GHR: variants seen among roughly 807,000 people sequenced by gnomAD.
The protein encoded by GHR is growth hormone receptor.
In GHR, 35 loss-of-function variants were observed where a neutral mutation model predicts 67.1. The observed-to-expected ratio is 0.52, with a 90% CI of 0.40 to 0.69. The LOEUF (loss-of-function observed/expected upper bound fraction) is 0.69, where lower values mean the gene tolerates loss of function less well. Among genes scored for constraint, GHR ranks in the 30% least tolerant of loss-of-function variants. The pLI is 0.00. For missense variants in GHR, 792 were observed against 764.6 expected, an observed-to-expected ratio of 1.04 and a Z score of -0.42; for synonymous variants, 272 against 269.1, an observed-to-expected ratio of 1.01 and a Z score of -0.10.
At chr5:42,600,943 T>TG (rs1752347543) in intron 2 of GHR, among the ~76,000 whole-genome samples, 1 of 143,150 alleles carries the variant, frequency 7.0e-6, no homozygotes, top group Non-Finnish European at 1.5e-5. Flanking sequence ...TTTTTTTTTT[T>TG]GTGACGGAGT....
chr5:42,537,197 C>T (rs529409423), intron 1 of GHR, among the ~76,000 whole-genome samples: 35 of 151,974 alleles, frequency 2.3e-4, no homozygotes, highest in African/African-American at 3.4e-4. Flanking sequence ...CTCTTCTCCT[C>T]GGTTTGGGTT....
At chr5:42,684,372 G>A (rs1757034598) in intron 3 of GHR, among the ~76,000 whole-genome samples, 1 of 152,090 alleles carries the variant, frequency 6.6e-6, no homozygotes, top group Non-Finnish European at 1.5e-5. Context: ...CTGTGCAAAC[G>A]AACAGTTAGA....
chr5:42,565,760 G>C, intron 1 of GHR, 104 bp from the exon 2 acceptor site: 3 of 1,601,200 alleles, frequency 1.9e-6, no homozygotes, highest in Non-Finnish European at 2.6e-6. Context: ...TTCTGGAACT[G>C]ACTCGTCAGC....
intron 2 of GHR, among the ~76,000 whole-genome samples, chr5:42,623,177 T>TTA (rs372690759): frequency 3.9e-5 from 6 of 151,972 alleles, no homozygotes; most frequent in East Asian, 1.9e-4. Context: ...GATTTAAATC[T>TTA]TATATATATA....
chr5:42,437,529 ATATTTATTTATTTATTTATT>A (rs375521431), intron 1 of GHR, among the ~76,000 whole-genome samples: 1 of 147,946 alleles, frequency 6.8e-6, no homozygotes. Flanking sequence ...TATTATTTTT[ATATTTATTTATTTATTTATT>A]TATTTATTTA....
chr5:42,440,066 C>A (rs1418471118), intron 1 of GHR, among the ~76,000 whole-genome samples: 1 of 152,114 alleles, frequency 6.6e-6, no homozygotes, highest in Non-Finnish European at 1.5e-5. Flanking sequence ...CATCCTCATT[C>A]ATTAATTCAT....
At chr5:42,667,608 T>C (rs1223258075) in intron 3 of GHR, among the ~76,000 whole-genome samples, 2 of 152,194 alleles carry the variant, frequency 1.3e-5, no homozygotes, top group African/African-American at 2.4e-5. Context: ...GATTACAATG[T>C]GCAGCCAGAG....
rs1212819691 is a variant in GHR at position 42,670,931 on chromosome 5, A to G, written c.137-17959A>G. Among the ~76,000 whole-genome samples, 9 of 151,118 alleles carry G rather than the reference A, an allele frequency of 6.0e-5. No homozygotes were observed. The East Asian group carries it at 1.7e-3, about 29-fold the overall frequency. On this transcript the variant is annotated intron_variant, in intron 3 of 9. Transcript: ENST00000230882. ...ACTTAAATAGACATTTCTCAAAAGA[A>G]GCAAGTATCACCCTGATTTAAAACC...
chr5:42,527,978 C>G (rs1457866735), intron 1 of GHR, among the ~76,000 whole-genome samples: 1 of 152,080 alleles, frequency 6.6e-6, no homozygotes, highest in Non-Finnish European at 1.5e-5. Context: ...TTTAAGGCCA[C>G]AGTTGAGACC....
intron 3 of GHR, chr5:42,659,075 C>A (rs1194128379): frequency 6.6e-6 from 1 of 152,128 alleles, no homozygotes; most frequent in African/African-American, 2.4e-5. Context: ...GATCTATTAA[C>A]CCACTAGAGT....
In GHR at chr5:42,424,985, A is replaced by C. The variant is rs1742786801; in HGVS notation, c.-12+1030A>C. 1 of 984,972 alleles carries C rather than the reference A, an allele frequency of 1.0e-6. No homozygotes were observed. The highest frequency in any genetic ancestry group is 6.1e-5 in the Admixed American group (1 of 16,272). The allele number at this position is 984,972 out of a possible 1,614,324, so 61.0% of individuals were successfully genotyped here. A position where few individuals can be genotyped will look rare whatever the true frequency, so the allele number is the denominator to read the frequency against. On this transcript the variant is annotated intron_variant, in intron 1 of 9. Transcript: ENST00000230882. This position sits in a 1 kb window ranked among gnomAD's most constrained non-coding sequence, Gnocchi z 4.1. ...GTGTGCAGGGTGGAAGAGGCCACAG[A>C]GGTGCCGCCTGTCTGTTTGTGCCGC...
At chr5:42,551,201 A>G (rs751380969) in intron 1 of GHR, among the ~76,000 whole-genome samples, 1 of 152,214 alleles carries the variant, frequency 6.6e-6, no homozygotes, top group African/African-American at 2.4e-5. Context: ...AGAAGTTTAC[A>G]AACAGCAACA....
chr5:42,489,715 T>C (rs1033935411), intron 1 of GHR, among the ~76,000 whole-genome samples: 1 of 152,234 alleles, frequency 6.6e-6, no homozygotes. Flanking sequence ...TCATTGAAGT[T>C]TTATTAGTCT....
chr5:42,645,368 C>A (rs151229895), intron 3 of GHR, among the ~76,000 whole-genome samples: 2 of 152,260 alleles, frequency 1.3e-5, no homozygotes, highest in African/African-American at 4.8e-5. Flanking sequence ...TGCTATGTCC[C>A]AATGGAGATT....
At chr5:42,668,051 T>C (rs1756083374) in intron 3 of GHR, among the ~76,000 whole-genome samples, 4 of 152,208 alleles carry the variant, frequency 2.6e-5, no homozygotes, top group Admixed American at 2.6e-4. Flanking sequence ...GATCCAAATA[T>C]CATGTCATTT....
intron 2 of GHR, among the ~76,000 whole-genome samples, chr5:42,577,016 G>A (rs1750784194): frequency 6.6e-6 from 1 of 152,154 alleles, no homozygotes; most frequent in African/African-American, 2.4e-5. Context: ...GGAAGAACAA[G>A]GAAAATTAGG....
chr5:42,576,302 T>G (rs1032756420), intron 2 of GHR, among the ~76,000 whole-genome samples: 7 of 151,952 alleles, frequency 4.6e-5, no homozygotes, highest in African/African-American at 1.7e-4. Context: ...AAGGCTTCAA[T>G]GAGGTAACAC....
At chr5:42,645,841 G>A (rs769170399) in intron 3 of GHR, among the ~76,000 whole-genome samples, 17 of 152,192 alleles carry the variant, frequency 1.1e-4, no homozygotes, top group Non-Finnish European at 2.4e-4. Flanking sequence ...TTCGCTGACC[G>A]ATTTCTAGGA....
chr5:42,428,145 A>G (rs1485325001), intron 1 of GHR, among the ~76,000 whole-genome samples: 1 of 152,218 alleles, frequency 6.6e-6, no homozygotes, highest in Non-Finnish European at 1.5e-5. Context: ...CTGCCTGGAC[A>G]TCCAGGCATT....
Sources: allele counts gnomAD v4.1 joint callset (sites outside exome capture counted in the v4.1 genomes callset), GRCh38; gene constraint gnomAD v4.1.1; non-coding constraint Gnocchi (gnomAD v3.1); transcripts MANE v1.5; gene names NCBI Gene and HGNC (gene_info 2026-07-23, HGNC 2026-07-21).